NCAM1: variants seen among roughly 807,000 people sequenced by gnomAD.
NCAM1 encodes the protein neural cell adhesion molecule 1, also known as antigen recognized by monoclonal antibody 5.1H11.
NCAM1 carries 14 observed loss-of-function variants against 109.8 expected under a neutral mutation model. The observed-to-expected ratio is 0.13, with a 90% CI of 0.08 to 0.20. The LOEUF is 0.20. NCAM1 is among the 10% of genes least tolerant of loss of function. The pLI is 1.00. For missense variants in NCAM1, 774 were observed against 1,109.9 expected (o/e 0.70, Z 4.30); for synonymous variants, 418 against 442.9 (o/e 0.94, Z 0.70).
intron 1 of NCAM1, among the ~76,000 whole-genome samples, chr11:112,975,324 C>A: frequency 6.6e-6 from 1 of 152,140 alleles, no homozygotes. Flanking sequence ...CCACTAGAAA[C>A]ATTGACTTAA....
intron 1 of NCAM1, among the ~76,000 whole-genome samples, chr11:113,174,580 C>T (rs1943091449): frequency 6.6e-6 from 1 of 152,234 alleles, no homozygotes; most frequent in Admixed American, 6.5e-5. Flanking sequence ...TCCTCCTGAG[C>T]CAGAGACATG....
Position 113,092,273 on chromosome 11 carries a change from G to T in NCAM1, c.53-110106G>T, listed in dbSNP as rs11214483. 9.3e-3 allele frequency among the ~76,000 whole-genome samples: 1,415 copies of T among 152,234 alleles called. 20 individuals are homozygous for T. The highest frequency in any genetic ancestry group is 0.032 in the African/African-American group (1,335 of 41,534). ...TCTACATTTTACATATGAGCAAATT[G>T]AGGTATAGAGAAAGGATCTTTCCTG... On this transcript the variant is annotated intron_variant, in intron 1 of 19. Coordinates refer to ENST00000316851, the MANE Select transcript of NCAM1 (RefSeq NM_181351.5).
chr11:113,068,552 A>G (rs1214479370), intron 1 of NCAM1, among the ~76,000 whole-genome samples: 3 of 152,230 alleles, frequency 2.0e-5, no homozygotes, highest in Non-Finnish European at 4.4e-5. Context: ...ATCTGTAATC[A>G]TATAGGTTGT....
chr11:113,082,037 ATG>A (rs1796364813), intron 1 of NCAM1, among the ~76,000 whole-genome samples: 1 of 152,156 alleles, frequency 6.6e-6, no homozygotes. Context: ...TTGTCTTTTA[ATG>A]TGTATGTTTA....
At chr11:113,187,824 C>T (rs1943560082) in intron 1 of NCAM1, among the ~76,000 whole-genome samples, 2 of 152,132 alleles carry the variant, frequency 1.3e-5, no homozygotes, top group East Asian at 3.9e-4. Flanking sequence ...TTTCTCGGGC[C>T]ATTTATTCTG....
intron 1 of NCAM1, among the ~76,000 whole-genome samples, chr11:113,110,756 A>G (rs1380065884): frequency 6.6e-6 from 1 of 152,144 alleles, no homozygotes; most frequent in African/African-American, 2.4e-5. Flanking sequence ...TAGTTTTGAG[A>G]TTTAAAAGTA....
At position 113,276,210 on chromosome 11, in the gene NCAM1, T is replaced by C. The variant is rs1946397500; in HGVS notation, c.*823T>C. The C allele has an allele frequency of 6.6e-6, 1 of 152,612 alleles. No individual in the cohort carries two copies. Among genetic ancestry groups the C allele is most frequent in the Admixed American group, 6.5e-5 (1 of 15,268 alleles). 9.5% of individuals were successfully genotyped at this position (152,612 alleles called of 1,614,324 possible). On this transcript the variant is annotated 3_prime_UTR_variant, in exon 20 of 20. Transcript: ENST00000316851. Reference sequence around the variant, plus strand: ...GTAACAAATACCACCTAGAGGTAGGTAGGATCATCCCACGCTTGCTTTAGC... The same window carrying C: ...GTAACAAATACCACCTAGAGGTAGGCAGGATCATCCCACGCTTGCTTTAGC...
intron 1 of NCAM1, among the ~76,000 whole-genome samples, chr11:113,166,243 G>A (rs990992308): frequency 1.3e-5 from 2 of 152,194 alleles, no homozygotes; most frequent in African/African-American, 4.8e-5. Context: ...CAGTGGAGGG[G>A]CATAGGGCTG....
At chr11:113,252,405 C>CA (rs58848352) in intron 15 of NCAM1, among the ~76,000 whole-genome samples, 13,440 of 84,566 alleles carry the variant, frequency 0.16, 1,049 homozygotes, top group East Asian at 0.48. Flanking sequence ...GACCCTGTCT[C>CA]AAAAAAAAAA....
rs1374670975 is a variant in NCAM1 at position 113,067,578 on chromosome 11, G to A, written c.52+105914G>A. Among the ~76,000 whole-genome samples the A allele has an allele frequency of 3.9e-5, 6 of 152,174 alleles. No individual in the cohort carries two copies. In the South Asian group the frequency reaches 8.3e-4, roughly 21 times the overall value. ...TTGACTCACGAATATTGTCACCATC[G>A]TTATGTCACCTGGCATTTGAGATTG... On this transcript the variant is annotated intron_variant, in intron 1 of 19. Coordinates refer to ENST00000316851, the MANE Select transcript of NCAM1 (RefSeq NM_181351.5).
chr11:113,067,464 C>A (rs1938022136), intron 1 of NCAM1, among the ~76,000 whole-genome samples: 1 of 152,188 alleles, frequency 6.6e-6, no homozygotes, highest in Non-Finnish European at 1.5e-5. Context: ...GCCTCTTTGA[C>A]AAATTGTCTT....
chr11:113,028,128 G>C (rs1315340390), intron 1 of NCAM1, among the ~76,000 whole-genome samples: 2 of 152,132 alleles, frequency 1.3e-5, no homozygotes, highest in Non-Finnish European at 2.9e-5. Flanking sequence ...ATAGTAGGGT[G>C]ACTATAGCTG....
chr11:113,053,353 G>A (rs1259164191), intron 1 of NCAM1, among the ~76,000 whole-genome samples: 2 of 152,092 alleles, frequency 1.3e-5, no homozygotes, highest in Non-Finnish European at 1.5e-5. Context: ...ATTGTGAATA[G>A]TGCTGCAATG....
At chr11:113,006,173 T>C (rs1228524544) in intron 1 of NCAM1, among the ~76,000 whole-genome samples, 1 of 152,206 alleles carries the variant, frequency 6.6e-6, no homozygotes. Context: ...TGTGTGTACT[T>C]CTTGGACATA....
chr11:113,146,664 G>A (rs1313051325), intron 1 of NCAM1, among the ~76,000 whole-genome samples: 1 of 152,192 alleles, frequency 6.6e-6, no homozygotes, highest in African/African-American at 2.4e-5. Context: ...GTGAATGATT[G>A]TGAGATACTG....
intron 1 of NCAM1, among the ~76,000 whole-genome samples, chr11:112,970,160 A>G (rs1950838739): frequency 6.6e-6 from 1 of 152,142 alleles, no homozygotes. Context: ...CAGACAAAGG[A>G]GAGGAGTCCT....
At chr11:113,060,146 T>C (rs782705638) in intron 1 of NCAM1, among the ~76,000 whole-genome samples, 7 of 151,496 alleles carry the variant, frequency 4.6e-5, no homozygotes, top group Non-Finnish European at 8.8e-5. Context: ...TTGTAGATCT[T>C]GGTTGCTTCA....
intron 1 of NCAM1, among the ~76,000 whole-genome samples, chr11:113,083,839 T>C (rs1315725329): frequency 1.3e-5 from 2 of 152,094 alleles, no homozygotes; most frequent in African/African-American, 2.4e-5. Flanking sequence ...TCCCATGAGA[T>C]GGTGTGTAGT....
Position 113,176,932 on chromosome 11 carries a change from C to T in NCAM1, c.53-25447C>T, listed in dbSNP as rs918946027. Among the ~76,000 whole-genome samples, 3 of 152,170 alleles carry T rather than the reference C, an allele frequency of 2.0e-5. No homozygotes were observed. The East Asian group carries it at 5.8e-4, about 29-fold the overall frequency. ...GACTGCATCCTTTATGAAAAATTAA[C>T]ATGCAGAAGGGCATATGAGAGTGAT... On this transcript the variant is annotated intron_variant, in intron 1 of 19. Coordinates refer to ENST00000316851, the MANE Select transcript of NCAM1 (RefSeq NM_181351.5).
Sources: allele counts gnomAD v4.1 joint callset (sites outside exome capture counted in the v4.1 genomes callset), GRCh38; gene constraint gnomAD v4.1.1; transcripts MANE v1.5; gene names NCBI Gene and HGNC (gene_info 2026-07-23, HGNC 2026-07-21).